The following HDAC9 variants were observed in gnomAD, a reference collection of about 807,000 sequenced individuals.
HDAC9 encodes histone deacetylase 9, also known as MEF-2 interacting transcription repressor (MITR) protein.
Under a neutral mutation model 139.4 loss-of-function variants are expected in HDAC9, and 41 were observed. That is an observed-to-expected ratio of 0.29 (90% CI 0.23 to 0.38). HDAC9 has a LOEUF of 0.38. HDAC9 is among the 10% of genes least tolerant of loss of function. The probability of loss-of-function intolerance (pLI) is 1.00; values close to 1 mark genes in which losing one functional copy is unlikely to be tolerated. For synonymous variants in HDAC9, 517 were observed against 476.2 expected (o/e 1.09, Z -1.12); for missense variants, 1,147 against 1,297.0 (o/e 0.88, Z 1.78).
At chr7:18,585,611 G>A in intron 3 of HDAC9, 89 bp downstream of exon 3, 1 of 1,434,252 alleles carries the variant, frequency 7.0e-7, no homozygotes, top group Non-Finnish European at 9.5e-7. Context: ...TTTGCGGGTA[G>A]ATTCACTGTG....
At chr7:18,152,257 A>G (rs775218901) in intron 1 of HDAC9, among the ~76,000 whole-genome samples, 1 of 152,090 alleles carries the variant, frequency 6.6e-6, no homozygotes, top group Non-Finnish European at 1.5e-5. Flanking sequence ...ATCCCTAGTG[A>G]CCCTGCAAGT....
chr7:19,001,552 A>AG lies in HDAC9; in HGVS notation c.*5490_*5491insG, dbSNP rs1786749565. 6.6e-6 allele frequency: 1 copy of AG among 151,204 alleles called. No individual in the cohort carries two copies. The highest frequency in any genetic ancestry group is 1.5e-5 in the Non-Finnish European group (1 of 67,806). 9.4% of individuals were successfully genotyped at this position (151,204 alleles called of 1,614,324 possible). A position where few individuals can be genotyped will look rare whatever the true frequency, so the allele number is the denominator to read the frequency against. ...ATTCAACAGAAATGGAGTAATTAAA[A>AG]AAAAAAACAAAAAACAGAGAAGAAT... On this transcript the variant is annotated 3_prime_UTR_variant, in exon 26 of 26. Transcript: ENST00000686413.
chr7:18,667,047 G>T (rs1795054438), intron 12 of HDAC9: 1 of 985,292 alleles, frequency 1.0e-6, no homozygotes, highest in South Asian at 4.7e-5. Context: ...TGGTCACCAT[G>T]CCAGTAGTCC....
chr7:18,545,390 T>A (rs540785376), intron 2 of HDAC9, among the ~76,000 whole-genome samples: 1 of 152,298 alleles, frequency 6.6e-6, no homozygotes, highest in Admixed American at 6.5e-5. Context: ...CAGTTTCCAA[T>A]CTGACTTCAA....
intron 1 of HDAC9, among the ~76,000 whole-genome samples, chr7:18,094,340 T>A (rs1450042542): frequency 6.6e-6 from 1 of 152,290 alleles, no homozygotes; most frequent in East Asian, 1.9e-4. Flanking sequence ...TTAGATTTCC[T>A]AAACTAGATT....
At chr7:18,217,564 A>G (rs1471546716) in intron 2 of HDAC9, among the ~76,000 whole-genome samples, 1 of 152,158 alleles carries the variant, frequency 6.6e-6, no homozygotes, top group African/African-American at 2.4e-5. Context: ...TGTAACTGGA[A>G]CATTTAATAT....
At chr7:18,342,116 T>C (rs1381642042) in intron 1 of HDAC9, among the ~76,000 whole-genome samples, 1 of 151,876 alleles carries the variant, frequency 6.6e-6, no homozygotes, top group Non-Finnish European at 1.5e-5. Flanking sequence ...CTTACACACA[T>C]GTACAGGTCA....
chr7:18,234,497 G>T (rs1300525397), intron 2 of HDAC9, among the ~76,000 whole-genome samples: 1 of 152,094 alleles, frequency 6.6e-6, no homozygotes, highest in Non-Finnish European at 1.5e-5. Context: ...ATAAAAAGCA[G>T]CTAACCTTTA....
chr7:18,733,138 C>T (rs1474860877), intron 13 of HDAC9, among the ~76,000 whole-genome samples: 4 of 142,612 alleles, frequency 2.8e-5, no homozygotes, highest in East Asian at 2.1e-4. Flanking sequence ...TATATATACA[C>T]ATGTATACAC....
At chr7:18,871,988 A>G (rs1798956251) in intron 21 of HDAC9, among the ~76,000 whole-genome samples, 1 of 152,196 alleles carries the variant, frequency 6.6e-6, no homozygotes, top group Non-Finnish European at 1.5e-5. Flanking sequence ...GTTGAAATGA[A>G]TGAATGAACC....
chr7:18,815,821 T>C (rs933401779), intron 17 of HDAC9, among the ~76,000 whole-genome samples: 3 of 152,250 alleles, frequency 2.0e-5, no homozygotes, highest in African/African-American at 7.2e-5. Context: ...TATTCCCATA[T>C]GTCCCTTATT....
upstream of HDAC9, among the ~76,000 whole-genome samples, chr7:18,492,447 T>A (rs1042961981): frequency 3.3e-5 from 5 of 151,968 alleles, no homozygotes; most frequent in Admixed American, 2.0e-4. Context: ...GAAATAACAT[T>A]TTACATTAGG....
At chr7:18,466,625 G>A (rs1794299844) in intron 1 of HDAC9, among the ~76,000 whole-genome samples, 1 of 152,098 alleles carries the variant, frequency 6.6e-6, no homozygotes, top group Admixed American at 6.5e-5. Context: ...CTACTTTTAA[G>A]GACAATGTGA....
intron 25 of HDAC9, 95 bp downstream of exon 25, chr7:18,976,048 C>A: frequency 7.8e-7 from 1 of 1,287,632 alleles, no homozygotes; most frequent in Non-Finnish European, 1.1e-6. Flanking sequence ...CTTCACCTGT[C>A]TCCTCCACTT....
chr7:18,903,013 T>C (rs1412675543), intron 22 of HDAC9, among the ~76,000 whole-genome samples: 1 of 152,236 alleles, frequency 6.6e-6, no homozygotes, highest in Non-Finnish European at 1.5e-5. Context: ...TAAAGCATGA[T>C]ACACAGTTAT....
At chr7:18,789,260 C>T (rs1304698200) in intron 16 of HDAC9, among the ~76,000 whole-genome samples, 2 of 137,676 alleles carry the variant, frequency 1.5e-5, no homozygotes, top group Non-Finnish European at 3.1e-5. Context: ...ACTATTACTC[C>T]TTAATGCACA....
At chr7:18,717,083 A>G (rs1320068878) in intron 12 of HDAC9, among the ~76,000 whole-genome samples, 1 of 151,146 alleles carries the variant, frequency 6.6e-6, no homozygotes, top group Non-Finnish European at 1.5e-5. Flanking sequence ...GAACGTGAGA[A>G]GGAGAGAGTG....
At chr7:18,406,745 G>GA (rs1788047401) in intron 1 of HDAC9, among the ~76,000 whole-genome samples, 2 of 151,936 alleles carry the variant, frequency 1.3e-5, no homozygotes, top group African/African-American at 4.8e-5. Context: ...CCTAATTTTG[G>GA]TCTAGTAACT....
intron 6 of HDAC9, among the ~76,000 whole-genome samples, chr7:18,594,953 T>C (rs983962146): frequency 2.6e-5 from 4 of 152,098 alleles, no homozygotes; most frequent in African/African-American, 9.6e-5. Flanking sequence ...GTTTTATATA[T>C]GAAATCTGCA....
Sources: gnomAD v4.1 joint callset for allele counts (sites outside exome capture counted in the v4.1 genomes callset) on GRCh38, gnomAD v4.1.1 for gene constraint, MANE v1.5 for transcripts, NCBI Gene and HGNC (gene_info 2026-07-23, HGNC 2026-07-21) for gene names.